COG5: variants seen among roughly 807,000 people sequenced by gnomAD.
COG5 encodes conserved oligomeric Golgi complex subunit 5.
A neutral mutation model predicts 110.4 loss-of-function variants in COG5; 86 were observed. The ratio of observed to expected loss-of-function variants is 0.78; its 90% CI spans 0.65 to 0.93. The LOEUF (loss-of-function observed/expected upper bound fraction) is 0.93, where lower values mean the gene tolerates loss of function less well. COG5 is among the 40% of genes least tolerant of loss of function. The pLI is 0.00. For missense variants in COG5, 1,077 were observed against 987.0 expected, an observed-to-expected ratio of 1.09 and a Z score of -1.22; for synonymous variants, 360 against 334.6, an observed-to-expected ratio of 1.08 and a Z score of -0.83.
intron 12 of COG5, among the ~76,000 whole-genome samples, chr7:107,295,204 T>A (rs1207453161): frequency 6.8e-6 from 1 of 146,716 alleles, no homozygotes; most frequent in Non-Finnish European, 1.5e-5. Flanking sequence ...CCCAAAGTGC[T>A]TGGATTATAG....
At chr7:107,442,973 A>C in intron 6 of COG5, among the ~76,000 whole-genome samples, 1 of 152,196 alleles carries the variant, frequency 6.6e-6, no homozygotes, top group Admixed American at 6.5e-5. Context: ...ATGCAACATC[A>C]AGGGTTTTCC....
chr7:107,271,417 T>C (rs191599949), intron 14 of COG5, among the ~76,000 whole-genome samples: 1 of 152,134 alleles, frequency 6.6e-6, no homozygotes, highest in Non-Finnish European at 1.5e-5. Context: ...AATACATGAA[T>C]AGTATATATA....
At chr7:107,495,072 T>TA (rs1297498037) in intron 6 of COG5, among the ~76,000 whole-genome samples, 1 of 152,108 alleles carries the variant, frequency 6.6e-6, no homozygotes, top group Non-Finnish European at 1.5e-5. Flanking sequence ...ACAAGATCTG[T>TA]AAAATGAGTG....
At chr7:107,344,522 C>CTTTA (rs1454414970) in intron 10 of COG5, among the ~76,000 whole-genome samples, 4 of 152,046 alleles carry the variant, frequency 2.6e-5, no homozygotes, top group African/African-American at 7.2e-5. Flanking sequence ...GATTGTTTTA[C>CTTTA]TTTATTTATT....
intron 6 of COG5, among the ~76,000 whole-genome samples, chr7:107,506,814 G>A (rs576424472): frequency 6.6e-6 from 1 of 152,330 alleles, no homozygotes; most frequent in South Asian, 2.1e-4. Context: ...CAGGACACTT[G>A]CCACTCACCC....
chr7:107,224,293 AAC>A (rs564699309), intron 19 of COG5, among the ~76,000 whole-genome samples: 171 of 152,324 alleles, frequency 1.1e-3, no homozygotes, highest in Non-Finnish European at 1.7e-3. Context: ...AATTTCAATC[AAC>A]AGAGGATCAT....
Position 107,250,909 on chromosome 7 carries a change from T to C in COG5, c.1750-2410A>G, listed in dbSNP as rs1802452561. On this transcript the variant is annotated intron_variant, in intron 16 of 21. Coordinates refer to ENST00000297135, the MANE Select transcript of COG5 (RefSeq NM_006348.5). ...GCAAAATGTCTAATATACTGGTAACTGGAGTCCTGTAAGAAAAGAAAATAA... is the reference window on the plus strand; with the variant it reads ...GCAAAATGTCTAATATACTGGTAACCGGAGTCCTGTAAGAAAAGAAAATAA... Among the ~76,000 whole-genome samples, 2 of 151,856 alleles carry C rather than the reference T, an allele frequency of 1.3e-5. 1 individual carries two copies.
intron 6 of COG5, among the ~76,000 whole-genome samples, chr7:107,517,457 C>A (rs1033395778): frequency 8.5e-5 from 13 of 152,208 alleles, no homozygotes; most frequent in South Asian, 2.1e-4. Flanking sequence ...CCCAGCCTAG[C>A]AAGACAGGCC....
intron 12 of COG5, among the ~76,000 whole-genome samples, chr7:107,293,928 T>C (rs1306455534): frequency 6.6e-6 from 1 of 151,520 alleles, no homozygotes; most frequent in Non-Finnish European, 1.5e-5. Flanking sequence ...AAAAATTATC[T>C]GGGCATGGTG....
chr7:107,452,546 T>C (rs1282403372), intron 6 of COG5, among the ~76,000 whole-genome samples: 1 of 152,138 alleles, frequency 6.6e-6, no homozygotes, highest in African/African-American at 2.4e-5. Flanking sequence ...TCTGATGGTT[T>C]TGAAAATGGG....
chr7:107,254,813 A>T (rs1802762552), intron 16 of COG5, among the ~76,000 whole-genome samples: 1 of 152,186 alleles, frequency 6.6e-6, no homozygotes, highest in Non-Finnish European at 1.5e-5. Flanking sequence ...ATCAAAGTGA[A>T]GGCACTCTGT....
At chr7:107,451,899 T>C (rs891319151) in intron 6 of COG5, among the ~76,000 whole-genome samples, 7 of 151,974 alleles carry the variant, frequency 4.6e-5, no homozygotes, top group Non-Finnish European at 8.8e-5. Context: ...TTCTGGGGAG[T>C]CAAAAGTTAT....
chr7:107,507,371 G>A (rs961661198), intron 6 of COG5, among the ~76,000 whole-genome samples: 24 of 147,798 alleles, frequency 1.6e-4, no homozygotes, highest in Non-Finnish European at 3.0e-4. Context: ...TCCGCTCACT[G>A]CAAGCTCTGC....
At chr7:107,372,494 G>T (rs77329948) in intron 8 of COG5, 101 bp downstream of exon 8, 1 of 1,095,874 alleles carries the variant, frequency 9.1e-7, no homozygotes, top group Non-Finnish European at 1.3e-6. Context: ...ACTAAAAAAT[G>T]AGTCATTAGA....
chr7:107,320,675 G>A (rs1222759447), intron 11 of COG5, among the ~76,000 whole-genome samples: 3 of 152,152 alleles, frequency 2.0e-5, no homozygotes, highest in African/African-American at 7.2e-5. Context: ...TCATTGTCTA[G>A]TATCTTAAAG....
At chr7:107,484,866 T>C (rs576770051) in intron 6 of COG5, among the ~76,000 whole-genome samples, 1 of 152,318 alleles carries the variant, frequency 6.6e-6, no homozygotes, top group African/African-American at 2.4e-5. Flanking sequence ...AACAGTGGAT[T>C]TGAATCATTT....
At chr7:107,416,138 C>T (rs1792828039) in intron 6 of COG5, among the ~76,000 whole-genome samples, 1 of 151,516 alleles carries the variant, frequency 6.6e-6, no homozygotes, top group Non-Finnish European at 1.5e-5. Flanking sequence ...TAAAATATTC[C>T]ATTCTTAGGC....
At chr7:107,289,536 C>T (rs1171484190) in intron 12 of COG5, among the ~76,000 whole-genome samples, 1 of 152,076 alleles carries the variant, frequency 6.6e-6, no homozygotes, top group African/African-American at 2.4e-5. Context: ...ACAAAGAACT[C>T]AGCTGAGATT....
In COG5 at chr7:107,415,842, G is replaced by GTGTA. The variant is rs1792733166; in HGVS notation, c.539-3211_539-3210insTACA. 7.6e-5 allele frequency among the ~76,000 whole-genome samples: 4 copies of GTGTA among 52,484 alleles called. 1 individual carries two copies. The African/African-American group carries it at 8.2e-4, about 11-fold the overall frequency. The allele number at this position is 52,484 out of a possible 152,430, so 34.4% of individuals were successfully genotyped here. A position where few individuals can be genotyped will look rare whatever the true frequency, so the allele number is the denominator to read the frequency against. On this transcript the variant is annotated intron_variant, in intron 6 of 21. Coordinates refer to ENST00000297135, the MANE Select transcript of COG5 (RefSeq NM_006348.5). ...CATACACGTATGTATGTATGTGTGT[G>GTGTA]TATATATACACACACATACACGTAT...
Sources: gnomAD v4.1 joint callset for allele counts (sites outside exome capture counted in the v4.1 genomes callset) on GRCh38, gnomAD v4.1.1 for gene constraint, MANE v1.5 for transcripts, NCBI Gene and HGNC (gene_info 2026-07-23, HGNC 2026-07-21) for gene names.